ACSL1: variants seen among roughly 807,000 people sequenced by gnomAD.
The protein encoded by ACSL1 is long-chain-fatty-acid--CoA ligase 1.
A neutral mutation model predicts 98.4 loss-of-function variants in ACSL1; 41 were observed. The observed-to-expected ratio is 0.42, with a 90% CI of 0.32 to 0.54. ACSL1 has a LOEUF of 0.54. Ranked by LOEUF, ACSL1 falls within the 20% of genes least tolerant of loss-of-function variation. The pLI is 0.13. For synonymous variants in ACSL1, 316 were observed against 322.7 expected (o/e 0.98, Z 0.22); for missense variants, 734 against 883.1 (o/e 0.83, Z 2.14).
chr4:184,823,788 T>C (rs1773249636), intron 1 of ACSL1, among the ~76,000 whole-genome samples: 1 of 152,356 alleles, frequency 6.6e-6, no homozygotes, highest in South Asian at 2.1e-4. Flanking sequence ...TGGTAAGCCC[T>C]GGGTTATATA....
At chr4:184,823,209 G>A (rs184168862) in intron 1 of ACSL1, among the ~76,000 whole-genome samples, 5 of 152,302 alleles carry the variant, frequency 3.3e-5, no homozygotes, top group Admixed American at 6.5e-5. Context: ...TCAGATCACC[G>A]CCTGTCAGAG....
In ACSL1 at chr4:184,779,371, C is replaced by T. The variant is rs1459129764; in HGVS notation, c.477+961G>A. 2.0e-5 allele frequency among the ~76,000 whole-genome samples: 3 copies of T among 152,200 alleles called. No individual in the cohort carries two copies. In the East Asian group the frequency reaches 5.8e-4, roughly 29 times the overall value. On this transcript the variant is annotated intron_variant, in intron 5 of 20. Transcript: ENST00000281455. ...GTAAGAAGTGCCTTTCACCTCCTGC[C>T]ATGATTCTGAGGCCCCCCCAGCCAT... is the stretch of plus-strand genomic sequence containing the variant.
At chr4:184,779,233 T>C (rs1561200050) in intron 5 of ACSL1, among the ~76,000 whole-genome samples, 1 of 152,164 alleles carries the variant, frequency 6.6e-6, no homozygotes, top group Non-Finnish European at 1.5e-5. Context: ...AATTGAATCA[T>C]GGGGGCTGGT....
At chr4:184,826,465 T>C (rs896002713), upstream of ACSL1, 1 of 152,188 alleles carries the variant, frequency 6.6e-6, no homozygotes, top group Non-Finnish European at 1.5e-5. Context: ...TCTCCGTTTT[T>C]CCTTGACACT....
At chr4:184,807,700 A>C (rs188460085) in intron 1 of ACSL1, among the ~76,000 whole-genome samples, 1 of 152,346 alleles carries the variant, frequency 6.6e-6, no homozygotes, top group African/African-American at 2.4e-5. Context: ...TAGAACTAAA[A>C]ATGCAATTAG....
intron 11 of ACSL1, 99 bp downstream of exon 11, chr4:184,770,300 G>A: frequency 1.9e-6 from 3 of 1,559,876 alleles, no homozygotes; most frequent in Non-Finnish European, 2.6e-6. Flanking sequence ...AATATGAAAT[G>A]TGTGTGTCAC....
At chr4:184,761,629 C>T (rs944467689) in intron 17 of ACSL1, among the ~76,000 whole-genome samples, 1 of 152,122 alleles carries the variant, frequency 6.6e-6, no homozygotes, top group African/African-American at 2.4e-5. Flanking sequence ...TGTGAAACAC[C>T]CTATTTTTAA....
intron 11 of ACSL1, 137 bp from the exon 12 acceptor site, chr4:184,768,587 T>A: frequency 7.8e-7 from 1 of 1,283,208 alleles, no homozygotes. Context: ...TATAGGTAAC[T>A]TAAAAAAAAT....
chr4:184,775,572 TGA>T (rs1040087597), intron 7 of ACSL1, among the ~76,000 whole-genome samples: 18 of 152,168 alleles, frequency 1.2e-4, no homozygotes, highest in African/African-American at 4.1e-4. Context: ...TCGATGCTAC[TGA>T]GAGAGAGAGT....
chr4:184,774,148 T>C (rs1365816157), intron 7 of ACSL1, among the ~76,000 whole-genome samples: 1 of 152,162 alleles, frequency 6.6e-6, no homozygotes, highest in African/African-American at 2.4e-5. Context: ...AAATAGGATG[T>C]ATTAAAAAAA....
At position 184,773,166 on chromosome 4, in the gene ACSL1, A is replaced by G. The variant is rs1764755204; in HGVS notation, c.842-12T>C. 1 of 1,610,368 alleles carries G rather than the reference A, an allele frequency of 6.2e-7. No homozygotes were observed. On this transcript the variant is annotated splice_polypyrimidine_tract_variant and intron_variant, in intron 9 of 20. Coordinates refer to ENST00000281455, the MANE Select transcript of ACSL1 (RefSeq NM_001995.5). This position sits in a 1 kb window ranked among gnomAD's most constrained non-coding sequence, Gnocchi z 4.3. ...TCCTTTGGGGTTGCCTGTGGAGCAC[A>G]TATGAAGCAGAACAAAGTTAAAGAA...
chr4:184,766,516 TTCTC>T lies in ACSL1; in HGVS notation c.1263+102_1263+105del. 1 of 1,428,102 alleles carries T rather than the reference TTCTC, an allele frequency of 7.0e-7. No homozygotes were observed. Among genetic ancestry groups the T allele is most frequent in the Non-Finnish European group, 9.5e-7 (1 of 1,054,948 alleles). 88.5% of individuals were successfully genotyped at this position (1,428,102 alleles called of 1,614,324 possible). On this transcript the variant is annotated intron_variant, in intron 13 of 20. Coordinates refer to ENST00000281455, the MANE Select transcript of ACSL1 (RefSeq NM_001995.5). The surrounding 1 kb of genome is among the most constrained non-coding windows in gnomAD (Gnocchi z 4.8). Reference sequence around the variant, plus strand: ...TGCCAGAATTAACAAAAACATGTTATTCTCTCCCTTACCTTCATCTCTCCCTCTC... The same window carrying T: ...TGCCAGAATTAACAAAAACATGTTATTCCCTTACCTTCATCTCTCCCTCTC...
At position 184,760,420 on chromosome 4, in the gene ACSL1, A is replaced by G. The variant is rs1481347107; in HGVS notation, c.1719T>C (p.Ile573=). ...GCTCACTTCGCATGTAGATATTTTCAATCTTTTCAGGGGCTATGTATTCTC... is the reference window on the plus strand; with the variant it reads ...GCTCACTTCGCATGTAGATATTTTCGATCTTTTCAGGGGCTATGTATTCTC... ...AQGEYIAPEK[I]ENIYMRSEPV... Residue 573 remains isoleucine (I), a synonymous_variant, in exon 18 of 21, where the codon ATT becomes ATC. Transcript: ENST00000281455. 11 of 1,613,990 alleles carry G rather than the reference A, an allele frequency of 6.8e-6. No individual in the cohort carries two copies. The highest frequency in any genetic ancestry group is 9.3e-6 in the Non-Finnish European group (11 of 1,180,016).
At chr4:184,811,296 T>C (rs368839406) in intron 1 of ACSL1, among the ~76,000 whole-genome samples, 2 of 151,936 alleles carry the variant, frequency 1.3e-5, no homozygotes, top group East Asian at 3.9e-4. Flanking sequence ...GTATTTTTAG[T>C]AGAGACGGGG....
chr4:184,776,738 AT>A, intron 6 of ACSL1, 76 bp from the exon 7 acceptor site: 1 of 1,526,174 alleles, frequency 6.6e-7, no homozygotes, highest in African/African-American at 1.4e-5. Context: ...CAGCACAAGG[AT>A]ACTTGAAGTA....
In ACSL1 at chr4:184,808,967, C is replaced by T. The variant is rs144717826; in HGVS notation, c.-32-5421G>A. ...GAAAGATTTGGGGTAACTTTGGGAT[C>T]CCATAACAAACATGCAAGTGGTTCC... On this transcript the variant is annotated intron_variant, in intron 1 of 20. Coordinates refer to ENST00000281455, the MANE Select transcript of ACSL1 (RefSeq NM_001995.5). 3.2e-3 allele frequency among the ~76,000 whole-genome samples: 494 copies of T among 152,306 alleles called. 1 individual carries two copies. Among genetic ancestry groups the T allele is most frequent in the Middle Eastern group, 6.8e-3 (2 of 294 alleles).
Position 184,780,433 on chromosome 4 carries a change from C to T in ACSL1, c.376G>A (p.Val126Ile), listed in dbSNP as rs1766053763. The T allele has an allele frequency of 6.2e-7, 1 of 1,610,502 alleles. No individual in the cohort carries two copies. Among genetic ancestry groups the T allele is most frequent in the African/African-American group, 1.3e-5 (1 of 74,964 alleles). ...QPYEWLSYKQ[V>I]AELSECIGSA... ...CCTATGCACTCCGACAATTCTGCAA[C>T]CTAAAATGGAGAGGAAAAAGTCAGA... Residue 126 changes from valine to isoleucine, a missense_variant and splice_region_variant, in exon 5 of 21, where the codon GTT becomes ATT. Transcript: ENST00000281455.
rs542735938 is a variant in ACSL1, at chr4:184,809,038, C to T, written c.-32-5492G>A. Among the ~76,000 whole-genome samples, 4 of 152,312 alleles carry T rather than the reference C, an allele frequency of 2.6e-5. No homozygotes were observed. The East Asian group carries it at 5.8e-4, about 22-fold the overall frequency. Reference sequence around the variant, plus strand: ...ACCCACTGCCTTGTGGCTTTTTCTTCCCAATTAAGTATAATAAATCTTAAA... The same window carrying T: ...ACCCACTGCCTTGTGGCTTTTTCTTTCCAATTAAGTATAATAAATCTTAAA... On this transcript the variant is annotated intron_variant, in intron 1 of 20. Transcript: ENST00000281455.
chr4:184,774,071 G>C (rs1443797125), intron 7 of ACSL1, among the ~76,000 whole-genome samples, 196 bp from the exon 8 acceptor site: 3 of 152,076 alleles, frequency 2.0e-5, no homozygotes, highest in African/African-American at 7.3e-5. Context: ...ATTGTTCTGA[G>C]AAGCCATTTT....
Sources: gnomAD v4.1 joint callset for allele counts (sites outside exome capture counted in the v4.1 genomes callset) on GRCh38, gnomAD v4.1.1 for gene constraint, Gnocchi (gnomAD v3.1) non-coding constraint, MANE v1.5 for transcripts, NCBI Gene and HGNC (gene_info 2026-07-23, HGNC 2026-07-21) for gene names.